Variants in AFF2 observed in about 807,000 individuals in gnomAD.
The protein encoded by AFF2 is ALF transcription elongation factor 2, also known as AF4/FMR2 family member 2.
Under a neutral mutation model 76.9 loss-of-function variants are expected in AFF2, and 14 were observed. The ratio of observed to expected loss-of-function variants is 0.18; its 90% CI spans 0.12 to 0.28. The LOEUF (loss-of-function observed/expected upper bound fraction) is 0.28. Ranked by LOEUF, AFF2 falls within the 10% of genes least tolerant of loss-of-function variation. AFF2 has a pLI of 1.00. For synonymous variants in AFF2, 398 were observed against 366.7 expected, an observed-to-expected ratio of 1.09 and a Z score of -0.98; for missense variants, 868 against 1,001.1, an observed-to-expected ratio of 0.87 and a Z score of 1.79.
chrX:148,651,996 C>A lies in AFF2; in HGVS notation c.48-3C>A. 8.6e-7 allele frequency: 1 copy of A among 1,159,632 alleles called. No individual in the cohort carries two copies. The highest frequency in any genetic ancestry group is 1.2e-6 in the Non-Finnish European group (1 of 868,970). ...TCTTTTTGTCTTTTCCTTTTCATAT[C>A]AGTCACTATGAACAAGACCGTAGTG... On this transcript the variant is annotated splice_region_variant and splice_polypyrimidine_tract_variant and intron_variant, in intron 1 of 20. Transcript: ENST00000370460.
At chrX:148,836,389 C>A (rs1425705338) in intron 4 of AFF2, among the ~76,000 whole-genome samples, 2 of 111,479 alleles carry the variant, frequency 1.8e-5, no homozygotes, top group African/African-American at 3.3e-5. Context: ...TCTTTTTGAA[C>A]TGAGTAATTA....
At chrX:148,952,009 C>T (rs927536354) in intron 9 of AFF2, among the ~76,000 whole-genome samples, 4 of 112,130 alleles carry the variant, frequency 3.6e-5, no homozygotes, top group Non-Finnish European at 7.5e-5. Context: ...ATTAAAGGGC[C>T]AGTCTTTAAG....
intron 1 of AFF2, among the ~76,000 whole-genome samples, chrX:148,582,785 G>T (rs2053428040): frequency 8.9e-6 from 1 of 111,974 alleles, no homozygotes; most frequent in African/African-American, 3.2e-5. Flanking sequence ...ACCAGAACTT[G>T]TACACAAATT....
At chrX:148,607,492 C>T (rs963546860) in intron 1 of AFF2, among the ~76,000 whole-genome samples, 3 of 111,696 alleles carry the variant, frequency 2.7e-5, no homozygotes, top group Non-Finnish European at 3.8e-5. Flanking sequence ...TGTGCCTTTG[C>T]TCCTCCTTCC....
chrX:148,773,685 G>A (rs5936431), intron 3 of AFF2, among the ~76,000 whole-genome samples: 679 of 51,373 alleles, frequency 0.013, 7 homozygotes, highest in Middle Eastern at 0.034. Flanking sequence ...AAGGAAGGAA[G>A]GAAAGAAAGA....
intron 3 of AFF2, among the ~76,000 whole-genome samples, chrX:148,780,852 C>T (rs781980152): frequency 1.8e-5 from 2 of 112,064 alleles, no homozygotes; most frequent in Admixed American, 9.4e-5. Context: ...GAATTTTCAG[C>T]CATTTTGCAC....
chrX:148,550,066 T>C (rs782544198), intron 1 of AFF2, among the ~76,000 whole-genome samples: 1 of 111,148 alleles, frequency 9.0e-6, no homozygotes, highest in African/African-American at 3.3e-5. Context: ...AGAATGAGAG[T>C]TGACAGAATT....
Position 148,762,259 on chromosome X carries a change from G to A in AFF2, c.1042-47617G>A, listed in dbSNP as rs782396608. ...ATCATTCTTATGCCTTTGCATCCTC[G>A]TAGCTTAGCTCCCACTTATAAGAGA... is the stretch of plus-strand genomic sequence containing the variant. On this transcript the variant is annotated intron_variant, in intron 3 of 20. Transcript: ENST00000370460. Among the ~76,000 whole-genome samples the A allele has an allele frequency of 2.7e-4, 29 of 109,095 alleles. No homozygotes were observed. In the South Asian group the frequency reaches 0.011, roughly 43 times the overall value. The allele number at this position is 109,095 out of a possible 115,157, so 94.7% of individuals were successfully genotyped here. A position where few individuals can be genotyped will look rare whatever the true frequency, so the allele number is the denominator to read the frequency against.
At chrX:148,850,390 C>A (rs12392476) in intron 7 of AFF2, among the ~76,000 whole-genome samples, 2,040 of 111,834 alleles carry the variant, frequency 0.018, 27 homozygotes, top group Non-Finnish European at 0.025. Flanking sequence ...TTTCCAAATT[C>A]TTCTCAGCAT....
At chrX:148,887,695 G>A (rs1211998071) in intron 8 of AFF2, among the ~76,000 whole-genome samples, 4 of 111,541 alleles carry the variant, frequency 3.6e-5, no homozygotes, top group Admixed American at 9.5e-5. Context: ...ACATGTTGCC[G>A]CTAGTCATGA....
chrX:148,934,145 G>A (rs2124302813), intron 9 of AFF2, among the ~76,000 whole-genome samples: 1 of 112,718 alleles, frequency 8.9e-6, no homozygotes, highest in East Asian at 2.8e-4. Flanking sequence ...CAAATACCTG[G>A]TTTGTGGTTG....
At chrX:148,723,905 T>TTTTTCTC (rs2055123954) in intron 3 of AFF2, among the ~76,000 whole-genome samples, 1 of 107,628 alleles carries the variant, frequency 9.3e-6, no homozygotes, top group Non-Finnish European at 1.9e-5. Flanking sequence ...TTTTTTTTTC[T>TTTTTCTC]TTTTTTCTTT....
At chrX:148,569,938 T>G (rs2053210060) in intron 1 of AFF2, among the ~76,000 whole-genome samples, 2 of 112,035 alleles carry the variant, frequency 1.8e-5, no homozygotes, top group Admixed American at 1.9e-4. Flanking sequence ...TAGCTGTCAG[T>G]AAAATGGAAA....
chrX:148,764,917 C>T (rs1343570191), intron 3 of AFF2, among the ~76,000 whole-genome samples: 1 of 112,489 alleles, frequency 8.9e-6, no homozygotes, highest in Non-Finnish European at 1.9e-5. Context: ...GACTGGGGGA[C>T]TTTTCCAACA....
chrX:148,780,245 G>T (rs1418231949), intron 3 of AFF2, among the ~76,000 whole-genome samples: 1 of 111,421 alleles, frequency 9.0e-6, no homozygotes, highest in Non-Finnish European at 1.9e-5. Context: ...TCTTCTCAAG[G>T]AGTATCTTAG....
intron 3 of AFF2, among the ~76,000 whole-genome samples, chrX:148,701,818 C>T: frequency 8.9e-6 from 1 of 111,740 alleles, no homozygotes; most frequent in East Asian, 2.8e-4. Flanking sequence ...AATTTGCCAT[C>T]TCTGCCGTGA....
chrX:148,851,607 C>T (rs1557275345), intron 7 of AFF2, among the ~76,000 whole-genome samples: 1 of 111,607 alleles, frequency 9.0e-6, no homozygotes, highest in Non-Finnish European at 1.9e-5. Context: ...TAGAAGCTAA[C>T]GATTTAGCAA....
At chrX:148,731,614 A>C (rs781801307) in intron 3 of AFF2, among the ~76,000 whole-genome samples, 151 of 111,118 alleles carry the variant, frequency 1.4e-3, no homozygotes, top group African/African-American at 4.8e-3. Flanking sequence ...AGCAAAAGAA[A>C]CTACCCTCAG....
chrX:148,648,841 T>A (rs954255633), intron 1 of AFF2, among the ~76,000 whole-genome samples: 4 of 111,402 alleles, frequency 3.6e-5, no homozygotes, highest in African/African-American at 1.3e-4. Context: ...AATTTTATTA[T>A]ATCCAGGAGA....
Sources: allele counts gnomAD v4.1 joint callset (sites outside exome capture counted in the v4.1 genomes callset), GRCh38; gene constraint gnomAD v4.1.1; transcripts MANE v1.5; gene names NCBI Gene and HGNC (gene_info 2026-07-23, HGNC 2026-07-21).